SLCO4A1: variants seen among roughly 807,000 people sequenced by gnomAD.
SLCO4A1 encodes the protein colon organic anion transporter.
A neutral mutation model predicts 64.6 loss-of-function variants in SLCO4A1; 51 were observed. That is an observed-to-expected ratio of 0.79 (90% confidence interval 0.63 to 1.00). SLCO4A1 has a LOEUF of 1.00. Ranked by LOEUF, SLCO4A1 falls within the 50% of genes least tolerant of loss-of-function variation. The pLI is 0.00. For missense variants in SLCO4A1, 919 were observed against 980.5 expected (o/e 0.94, Z 0.84); for synonymous variants, 471 against 444.9 (o/e 1.06, Z -0.74).
At position 62,656,749 on chromosome 20, in the gene SLCO4A1, C is replaced by T. The variant is rs185502670; in HGVS notation, c.295C>T (p.Leu99Phe). 13 of 1,612,454 alleles carry T rather than the reference C, an allele frequency of 8.1e-6. No homozygotes were observed. Among genetic ancestry groups the T allele is most frequent in the African/African-American group, 1.3e-5 (1 of 75,054 alleles). ...WAFAPPCLQV[L>F]NTPKGILFFL... ...CTTCGCACCGCCGTGCCTGCAGGTCCTCAACACGCCCAAGGGCATCCTGTT... is the reference window on the plus strand; with the variant it reads ...CTTCGCACCGCCGTGCCTGCAGGTCTTCAACACGCCCAAGGGCATCCTGTT... The change falls in exon 2 of 12, where the codon CTC (leucine) becomes TTC (phenylalanine). Residue 99 changes from leucine to phenylalanine, a missense_variant. Leu to Phe is a conservative substitution (Grantham distance 22). Transcript: ENST00000217159.
chr20:62,671,649 T>C, intron 11 of SLCO4A1, 101 bp from the exon 12 acceptor site: 1 of 1,077,172 alleles, frequency 9.3e-7, no homozygotes, highest in South Asian at 1.5e-5. Context: ...CTGGTGAGGG[T>C]GCTGCAGGCT....
downstream of SLCO4A1, chr20:62,672,396 T>C: frequency 1.7e-6 from 1 of 590,012 alleles, no homozygotes; most frequent in Non-Finnish European, 2.1e-6. Context: ...TCCGTGGATA[T>C]GAAAAGTTGG....
rs2147085534 is a variant in SLCO4A1, at chr20:62,661,022, A to AGCCCCCAGCCCCCC, written c.1010-29_1010-28insCGCCCCCAGCCCCC. ...TCTCTCGGAGAAGTCCACCTCCGGG[A>AGCCCCCAGCCCCCC]GCCCCCAGCCCCCAGCCCCAGCTCA... On this transcript the variant is annotated intron_variant, in intron 4 of 11. Coordinates refer to ENST00000217159, the MANE Select transcript of SLCO4A1 (RefSeq NM_016354.4). This position sits in a 1 kb window ranked among gnomAD's most constrained non-coding sequence, Gnocchi z 5.2. The AGCCCCCAGCCCCCC allele has an allele frequency of 1.7e-5, 10 of 581,064 alleles. No individual in the cohort carries two copies. The highest frequency in any genetic ancestry group is 1.6e-4 in the South Asian group (10 of 63,740). The allele number at this position is 581,064 out of a possible 1,614,324, so 36.0% of individuals were successfully genotyped here. A position where few individuals can be genotyped will look rare whatever the true frequency, so the allele number is the denominator to read the frequency against.
chr20:62,672,950 C>T (rs1020933979), downstream of SLCO4A1, among the ~76,000 whole-genome samples: 2 of 145,690 alleles, frequency 1.4e-5, no homozygotes, highest in African/African-American at 4.9e-5. Context: ...CCACCCTCGC[C>T]CTCCGGTGCT....
At position 62,672,053 on chromosome 20, in the gene SLCO4A1, T is replaced by C. The variant is rs1987302821; in HGVS notation, c.*160T>C. ...GGCTGTGACCTCCTGTCCCCAGAGC[T>C]GTACGGCCCTGCAGTGGGTGGGAGG... On this transcript the variant is annotated 3_prime_UTR_variant, in exon 12 of 12. Transcript: ENST00000217159. 6 of 1,531,392 alleles carry C rather than the reference T, an allele frequency of 3.9e-6. No homozygotes were observed. The highest frequency in any genetic ancestry group is 1.4e-5 in the African/African-American group (1 of 73,092). The allele number at this position is 1,531,392 out of a possible 1,614,324, so 94.9% of individuals were successfully genotyped here. A position where few individuals can be genotyped will look rare whatever the true frequency, so the allele number is the denominator to read the frequency against.
rs751253755 is a variant in SLCO4A1, at chr20:62,668,961, G to C, written c.1908G>C (p.Trp636Cys). 3.1e-6 allele frequency: 5 copies of C among 1,608,290 alleles called. No individual in the cohort carries two copies. The South Asian group carries it at 5.5e-5, about 18-fold the overall frequency. ...TCCCGGGGCCCATCGCCTTCGGCTG[G>C]GTGATCGACAAGGCCTGTCTGCTGT... ...GGIPGPIAFG[W>C]VIDKACLLWQ... is the part of the protein sequence containing the mutation. The change falls in exon 11 of 12, where the codon TGG (tryptophan) becomes TGC (cysteine). Residue 636 changes from tryptophan (W) to cysteine (C), a missense_variant. Coordinates refer to ENST00000217159, the MANE Select transcript of SLCO4A1 (RefSeq NM_016354.4).
chr20:62,677,799 G>A (rs192839286), intron 2 of SLCO4A1, among the ~76,000 whole-genome samples: 27 of 152,310 alleles, frequency 1.8e-4, no homozygotes, highest in East Asian at 7.7e-4. Flanking sequence ...CCAGCGCCAC[G>A]CTGTGAGCAA....
At chr20:62,675,466 C>T (rs960251366), downstream of SLCO4A1, among the ~76,000 whole-genome samples, 6 of 152,180 alleles carry the variant, frequency 3.9e-5, no homozygotes, top group African/African-American at 1.4e-4. Context: ...GCTCCCCTTG[C>T]CTTCCCCATT....
At position 62,671,806 on chromosome 20, in the gene SLCO4A1, G is replaced by C; in HGVS notation, c.2082G>C (p.Glu694Asp). The change falls in exon 12 of 12, where the codon GAG becomes GAC. Residue 694 changes from glutamate to aspartate, a missense_variant. By Grantham distance (45) the Glu-to-Asp change is conservative (BLOSUM62 2). Coordinates refer to ENST00000217159, the MANE Select transcript of SLCO4A1 (RefSeq NM_016354.4). ...GCTTCTTATACAAGCCCCTGTCGGA[G>C]TCTTCAGATGGCCTGGAAACTTGTC... ...IACFLYKPLS[E>D]SSDGLETCLP... 1.2e-6 allele frequency: 2 copies of C among 1,613,646 alleles called. No individual in the cohort carries two copies. The highest frequency in any genetic ancestry group is 2.2e-5 in the South Asian group (2 of 91,090).
In SLCO4A1 at chr20:62,661,662, C is replaced by T. The variant is rs553699018; in HGVS notation, c.1121+487C>T. Among the ~76,000 whole-genome samples, 3 of 150,796 alleles carry T rather than the reference C, an allele frequency of 2.0e-5. No individual in the cohort carries two copies. The highest frequency in any genetic ancestry group is 4.0e-4 in the East Asian group (2 of 5,050). On this transcript the variant is annotated intron_variant, in intron 5 of 11. Coordinates refer to ENST00000217159, the MANE Select transcript of SLCO4A1 (RefSeq NM_016354.4). This position sits in a 1 kb window ranked among gnomAD's most constrained non-coding sequence, Gnocchi z 5.2. ...CCCCCGGGCCCTGGGATGCTGCCCC[C>T]CCATCTCCCTCCCTCCCTCAGAGTC...
intron 7 of SLCO4A1, among the ~76,000 whole-genome samples, chr20:62,666,989 T>C (rs1204181849): frequency 6.6e-6 from 1 of 152,124 alleles, no homozygotes; most frequent in Non-Finnish European, 1.5e-5. Context: ...AGGTGGCAAT[T>C]AGGGAATATC....
In SLCO4A1 at chr20:62,643,325, C is replaced by T. The variant is rs143773708; in HGVS notation, c.-97+772C>T. On this transcript the variant is annotated intron_variant, in intron 1 of 11. Transcript: ENST00000217159. ...GGAAGGAGCAGGCAGGCTTAGCTGC[C>T]CTAGACCGGCCCTAGACCGGGAACC... 1,607 of 284,284 alleles carry T rather than the reference C, an allele frequency of 5.7e-3. 27 individuals are homozygous for T. Among genetic ancestry groups the T allele is most frequent in the African/African-American group, 0.031 (1,304 of 42,632 alleles). The allele number at this position is 284,284 out of a possible 1,614,324, so 17.6% of individuals were successfully genotyped here. A position where few individuals can be genotyped will look rare whatever the true frequency, so the allele number is the denominator to read the frequency against.
At chr20:62,652,795 A>T (rs1365320306) in intron 1 of SLCO4A1, among the ~76,000 whole-genome samples, 1 of 152,226 alleles carries the variant, frequency 6.6e-6, no homozygotes, top group Non-Finnish European at 1.5e-5. Context: ...AATGCTGTGG[A>T]ATCTCTGCTG....
chr20:62,671,772 C>T lies in SLCO4A1; in HGVS notation c.2048C>T (p.Ala683Val). 2 of 1,613,662 alleles carry T rather than the reference C, an allele frequency of 1.2e-6. No individual in the cohort carries two copies. The highest frequency in any genetic ancestry group is 1.7e-6 in the Non-Finnish European group (2 of 1,180,002). The change falls in exon 12 of 12, where the codon GCC becomes GTC. Residue 683 changes from alanine to valine, a missense_variant. Ala to Val is a moderately conservative substitution (Grantham distance 64). Transcript: ENST00000217159. ...CAGGTGCTGGGCGTCCTCTTCTTTG[C>T]CATAGCCTGCTTCTTATACAAGCCC... is the stretch of plus-strand genomic sequence containing the variant. The part of the protein sequence containing the change: ...LYKVLGVLFF[A>V]IACFLYKPLS...
chr20:62,684,749 G>T (rs1408465601), intron 2 of SLCO4A1, among the ~76,000 whole-genome samples: 1 of 151,970 alleles, frequency 6.6e-6, no homozygotes, highest in Non-Finnish European at 1.5e-5. Context: ...TTCCCGCCAG[G>T]GCGATCAGGG....
intron 1 of SLCO4A1, 74 bp downstream of exon 1, chr20:62,642,627 G>A: frequency 6.0e-6 from 1 of 166,576 alleles, no homozygotes; most frequent in South Asian, 1.3e-4. Flanking sequence ...CGCGGCAGGT[G>A]CCGCCATCGT....
At chr20:62,664,097 C>T (rs1415377419) in intron 5 of SLCO4A1, among the ~76,000 whole-genome samples, 2 of 152,072 alleles carry the variant, frequency 1.3e-5, no homozygotes, top group Non-Finnish European at 1.5e-5. Flanking sequence ...TCCCAGCTTC[C>T]AGGGGGCTAT....
At position 62,645,820 on chromosome 20, in the gene SLCO4A1, C is replaced by T. The variant is rs889247269; in HGVS notation, c.-97+3267C>T. 2.8e-4 allele frequency among the ~76,000 whole-genome samples: 42 copies of T among 151,724 alleles called. No homozygotes were observed. Among genetic ancestry groups the T allele is most frequent in the African/African-American group, 1.0e-3 (42 of 41,280 alleles). On this transcript the variant is annotated intron_variant, in intron 1 of 11. Coordinates refer to ENST00000217159, the MANE Select transcript of SLCO4A1 (RefSeq NM_016354.4). This position sits in a 1 kb window ranked among gnomAD's most constrained non-coding sequence, Gnocchi z 4.2. The stretch of plus-strand genomic sequence containing the variant: ...TTCCTGCCCACGGACCTTGCCTTTT[C>T]TTGGTGGTTTTTCTAATCTGGCAAG...
chr20:62,660,605 C>A (rs543812831), intron 4 of SLCO4A1, 72 bp downstream of exon 4: 1 of 1,521,832 alleles, frequency 6.6e-7, no homozygotes, highest in Non-Finnish European at 9.0e-7. Flanking sequence ...GGGGGCACCC[C>A]GTTTCCTCTG....
Sources: gnomAD v4.1 joint callset for allele counts (sites outside exome capture counted in the v4.1 genomes callset) on GRCh38, gnomAD v4.1.1 for gene constraint, Gnocchi (gnomAD v3.1) non-coding constraint, MANE v1.5 for transcripts, NCBI Gene and HGNC (gene_info 2026-07-23, HGNC 2026-07-21) for gene names.